PDS5A: variants seen among roughly 807,000 people sequenced by gnomAD.
PDS5A encodes the protein sister chromatid cohesion protein PDS5 homolog A.
In PDS5A, 42 loss-of-function variants were observed where a neutral mutation model predicts 167.1. The observed-to-expected ratio is 0.25, with a 90% confidence interval of 0.20 to 0.33. PDS5A has a LOEUF of 0.33. Ranked by LOEUF, PDS5A falls within the 10% of genes least tolerant of loss-of-function variation. PDS5A has a pLI of 1.00. For synonymous variants in PDS5A, 553 were observed against 554.6 expected (o/e 1.00, Z 0.04); for missense variants, 1,033 against 1,605.9 (o/e 0.64, Z 6.10).
intron 11 of PDS5A, 43 bp from the exon 12 acceptor site, chr4:39,904,234 T>G: frequency 1.4e-6 from 2 of 1,412,732 alleles, no homozygotes; most frequent in Non-Finnish European, 1.9e-6. Context: ...ATAACAAAAC[T>G]CTGTACTAAT....
Position 39,976,558 on chromosome 4 carries a change from G to GCA in PDS5A, c.19_20insTG (p.Pro7LeufsTer12). On this transcript the variant is annotated frameshift_variant, in exon 2 of 33. Transcript: ENST00000303538. LOFTEE classifies it high-confidence loss of function. ...GCCACAGAGGGCAGTGGCAGGCTTG[G>GCA]GCTGCGCGGTGAAGTCCATCCTGGG... 6.2e-7 allele frequency: 1 copy of GCA among 1,612,642 alleles called. No homozygotes were observed. Among genetic ancestry groups the GCA allele is most frequent in the African/African-American group, 1.3e-5 (1 of 75,044 alleles).
chr4:39,960,302 AAC>A (rs1204052735), intron 2 of PDS5A, among the ~76,000 whole-genome samples: 1 of 152,092 alleles, frequency 6.6e-6, no homozygotes, highest in East Asian at 1.9e-4. Context: ...AAAACAAAAA[AAC>A]ACATATATTA....
Position 39,976,568 on chromosome 4 carries a change from T to G in PDS5A, c.10A>C (p.Thr4Pro), listed in dbSNP as rs760434405. 6.2e-7 allele frequency: 1 copy of G among 1,611,404 alleles called. No individual in the cohort carries two copies. Among genetic ancestry groups the G allele is most frequent in the African/African-American group, 1.3e-5 (1 of 74,888 alleles). Reference sequence around the variant, plus strand: ...GCAGTGGCAGGCTTGGGCTGCGCGGTGAAGTCCATCCTGGGGGACAACTTT... The same window carrying G: ...GCAGTGGCAGGCTTGGGCTGCGCGGGGAAGTCCATCCTGGGGGACAACTTT... MDF[T>P]AQPKPATALC... is the part of the protein sequence containing the mutation. Residue 4 changes from threonine to proline, a missense_variant, in exon 2 of 33, where the codon ACC becomes CCC. Thr to Pro is a conservative substitution (Grantham distance 38, BLOSUM62 -1). Transcript: ENST00000303538.
chr4:39,876,599 T>C (rs1720480008), intron 19 of PDS5A, among the ~76,000 whole-genome samples: 1 of 152,214 alleles, frequency 6.6e-6, no homozygotes, highest in Non-Finnish European at 1.5e-5. Context: ...AGTGAACTAT[T>C]TGCCCCATTT....
intron 2 of PDS5A, among the ~76,000 whole-genome samples, chr4:39,963,459 C>T (rs1349015451): frequency 1.4e-5 from 2 of 144,446 alleles, no homozygotes; most frequent in Non-Finnish European, 3.0e-5. Context: ...GACTCCATCT[C>T]AAAAAAAAAA....
At chr4:39,936,577 A>G (rs111415470) in intron 2 of PDS5A, among the ~76,000 whole-genome samples, 7,589 of 152,070 alleles carry the variant, frequency 0.05, 219 homozygotes, top group Non-Finnish European at 0.066. Context: ...CTGGGTGCAT[A>G]CCACCACATC....
rs1715005809 is a variant in PDS5A, at chr4:39,823,155, T to C, written c.*2330A>G. ...TCTCAAATATAAGTCTGCACTTTTGTGTTGTAGTTCTCTGAGATGTGAATA... is the reference window on the plus strand; with the variant it reads ...TCTCAAATATAAGTCTGCACTTTTGCGTTGTAGTTCTCTGAGATGTGAATA... On this transcript the variant is annotated 3_prime_UTR_variant, in exon 33 of 33. Transcript: ENST00000303538. The C allele has an allele frequency of 6.6e-6, 1 of 152,632 alleles. No homozygotes were observed. Among genetic ancestry groups the C allele is most frequent in the African/African-American group, 2.4e-5 (1 of 41,464 alleles). 9.5% of individuals were successfully genotyped at this position (152,632 alleles called of 1,614,324 possible).
chr4:39,908,005 A>G (rs1212688191), intron 11 of PDS5A, among the ~76,000 whole-genome samples: 2 of 152,368 alleles, frequency 1.3e-5, no homozygotes, highest in Non-Finnish European at 2.9e-5. Context: ...CTTAGGAAGT[A>G]AAGTTCAATG....
chr4:39,966,915 G>GA (rs1032896560), intron 2 of PDS5A, among the ~76,000 whole-genome samples: 4 of 151,654 alleles, frequency 2.6e-5, no homozygotes, highest in African/African-American at 9.7e-5. Flanking sequence ...AGAATTGCTT[G>GA]AACCTGGGAG....
intron 26 of PDS5A, among the ~76,000 whole-genome samples, chr4:39,859,788 C>T (rs56244052): frequency 0.19 from 29,097 of 152,134 alleles, 3,291 homozygotes; most frequent in South Asian, 0.26. Context: ...CAGTCCTGTC[C>T]CATGGGAACC....
intron 23 of PDS5A, among the ~76,000 whole-genome samples, chr4:39,865,192 G>A (rs944147957): frequency 1.3e-5 from 2 of 152,058 alleles, no homozygotes; most frequent in African/African-American, 4.8e-5. Flanking sequence ...TGTATTGACT[G>A]CATTTAGTGA....
chr4:39,829,694 G>C (rs6832188), intron 32 of PDS5A, among the ~76,000 whole-genome samples: 1 of 150,480 alleles, frequency 6.6e-6, no homozygotes, highest in African/African-American at 2.5e-5. Flanking sequence ...GCTCACGCCT[G>C]TAATCCCGGC....
rs1206782343 is a variant in PDS5A, at chr4:39,971,932, AAAG to A, written c.138+4505_138+4507del. On this transcript the variant is annotated intron_variant, in intron 2 of 32. Coordinates refer to ENST00000303538, the MANE Select transcript of PDS5A (RefSeq NM_001100399.2). Reference sequence around the variant, plus strand: ...CATTTCCAATGAGACATAATACTTTAAAGAAGGATCCCTAATTAAGTACAAAGT... The same window carrying A: ...CATTTCCAATGAGACATAATACTTTAAAGGATCCCTAATTAAGTACAAAGT... Among the ~76,000 whole-genome samples the A allele has an allele frequency of 5.3e-5, 8 of 152,352 alleles. No individual in the cohort carries two copies. The East Asian group carries it at 1.5e-3, about 29-fold the overall frequency.
intron 2 of PDS5A, chr4:39,936,858 A>C (rs1726667285): frequency 6.6e-6 from 1 of 152,248 alleles, no homozygotes; most frequent in Non-Finnish European, 1.5e-5. Flanking sequence ...TGTGAGCTAG[A>C]AGGAAAAAGA....
At chr4:39,878,481 C>T (rs1047543359) in intron 18 of PDS5A, among the ~76,000 whole-genome samples, 2 of 151,832 alleles carry the variant, frequency 1.3e-5, no homozygotes, top group South Asian at 2.1e-4. Context: ...CCTGTAGTCC[C>T]GGCTACTTGG....
At chr4:39,940,534 T>G (rs1431885335) in intron 2 of PDS5A, among the ~76,000 whole-genome samples, 1 of 152,258 alleles carries the variant, frequency 6.6e-6, no homozygotes, top group Admixed American at 6.5e-5. Flanking sequence ...AGGTTCTCTT[T>G]AAAGCAGTTA....
intron 23 of PDS5A, among the ~76,000 whole-genome samples, chr4:39,865,630 ATT>A (rs1394890829): frequency 6.6e-6 from 1 of 152,236 alleles, no homozygotes; most frequent in Non-Finnish European, 1.5e-5. Context: ...GGTTCAAGTG[ATT>A]TTCATGCCTT....
In PDS5A at chr4:39,899,490, G is replaced by C. The variant is rs1445202054; in HGVS notation, c.1582-665C>G. Among the ~76,000 whole-genome samples, 5 of 152,148 alleles carry C rather than the reference G, an allele frequency of 3.3e-5. No individual in the cohort carries two copies. In the East Asian group the frequency reaches 9.6e-4, roughly 29 times the overall value. On this transcript the variant is annotated intron_variant, in intron 14 of 32. Transcript: ENST00000303538. ...TGACTAATTTTGCAAAGGCAGGGTT[G>C]AATATCTGACCACAGACTCTATGCC... is the stretch of plus-strand genomic sequence containing the variant.
chr4:39,959,656 A>G (rs1386053978), intron 2 of PDS5A, among the ~76,000 whole-genome samples: 1 of 152,122 alleles, frequency 6.6e-6, no homozygotes, highest in African/African-American at 2.4e-5. Context: ...ATTTTATAAC[A>G]GAAAAACAAC....
Sources: gnomAD v4.1 joint callset for allele counts (sites outside exome capture counted in the v4.1 genomes callset) on GRCh38, gnomAD v4.1.1 for gene constraint, MANE v1.5 for transcripts, NCBI Gene and HGNC (gene_info 2026-07-23, HGNC 2026-07-21) for gene names.